SCGN: variants seen among roughly 807,000 people sequenced by gnomAD.
SCGN encodes the protein secretagogin.
Under a neutral mutation model 39.7 loss-of-function variants are expected in SCGN, and 30 were observed. The ratio of observed to expected loss-of-function variants is 0.76; its 90% CI spans 0.57 to 1.03. The LOEUF (loss-of-function observed/expected upper bound fraction) is 1.03. SCGN is among the 50% of genes least tolerant of loss of function. The pLI, the probability that SCGN is intolerant of heterozygous loss-of-function variation, is 0.00. For missense variants in SCGN, 353 were observed against 349.4 expected (o/e 1.01, Z -0.08); for synonymous variants, 106 against 114.1 (o/e 0.93, Z 0.45).
In SCGN at chr6:25,689,152, T is replaced by A; in HGVS notation, c.528-20T>A. 1 of 676,754 alleles carries A rather than the reference T, an allele frequency of 1.5e-6. No homozygotes were observed. 41.9% of individuals were successfully genotyped at this position (676,754 alleles called of 1,614,324 possible). A position where few individuals can be genotyped will look rare whatever the true frequency, so the allele number is the denominator to read the frequency against. ...AGAGCTGAACGATCCTTACGTGGAT[T>A]TTTTTTTTTTTCTATTTAGGATTCT... is the stretch of plus-strand genomic sequence containing the variant. On this transcript the variant is annotated intron_variant, in intron 7 of 10. Coordinates refer to ENST00000377961, the MANE Select transcript of SCGN (RefSeq NM_006998.4).
chr6:25,668,966 C>G (rs184523800), intron 4 of SCGN, among the ~76,000 whole-genome samples: 6 of 152,140 alleles, frequency 3.9e-5, no homozygotes. Context: ...CAAAAATTAG[C>G]CAGGCGTGGT....
chr6:25,691,839 T>C (rs1006450950), intron 10 of SCGN, among the ~76,000 whole-genome samples: 3 of 152,158 alleles, frequency 2.0e-5, no homozygotes, highest in African/African-American at 4.8e-5. Context: ...TTGGGCCAGA[T>C]GGCAAAAAAT....
At chr6:25,695,487 T>C (rs1759826889) in intron 10 of SCGN, among the ~76,000 whole-genome samples, 1 of 152,194 alleles carries the variant, frequency 6.6e-6, no homozygotes, top group African/African-American at 2.4e-5. Context: ...AAGTATACCA[T>C]ACAATATTGT....
chr6:25,669,675 G>A (rs904787051), intron 5 of SCGN, 108 bp downstream of exon 5: 6 of 919,588 alleles, frequency 6.5e-6, no homozygotes, highest in East Asian at 4.8e-5. Context: ...TTGAATATGT[G>A]ACTCAAAAAA....
intron 10 of SCGN, among the ~76,000 whole-genome samples, chr6:25,696,569 A>T (rs1759840215): frequency 6.6e-6 from 1 of 152,152 alleles, no homozygotes; most frequent in African/African-American, 2.4e-5. Context: ...TTGTGCAAAG[A>T]TCTTTCTCTA....
chr6:25,693,451 CAAAAAAAAAAAAAA>C (rs11376402), intron 10 of SCGN, among the ~76,000 whole-genome samples: 2 of 48,426 alleles, frequency 4.1e-5, no homozygotes, highest in Admixed American at 2.9e-4. Flanking sequence ...GACTCCGTCT[CAAAAAAAAAAAAAA>C]AAAAAAAAAA....
chr6:25,685,965 T>C (rs1020327438), intron 7 of SCGN, among the ~76,000 whole-genome samples: 3 of 152,200 alleles, frequency 2.0e-5, no homozygotes, highest in African/African-American at 4.8e-5. Flanking sequence ...GACTTTCCTA[T>C]TTTGGGCATT....
rs970445028 is a variant in SCGN at position 25,682,285 on chromosome 6, T to C, written c.527+279T>C. On this transcript the variant is annotated intron_variant, in intron 7 of 10. Transcript: ENST00000377961. ...GACCCTACCCTTAAAGGCAAGACATTTATAGTCCCACATTGTGACTTCATG... is the reference window on the plus strand; with the variant it reads ...GACCCTACCCTTAAAGGCAAGACATCTATAGTCCCACATTGTGACTTCATG... Among the ~76,000 whole-genome samples the C allele has an allele frequency of 9.8e-5, 15 of 152,288 alleles. No individual in the cohort carries two copies. In the East Asian group the frequency reaches 2.9e-3, roughly 29 times the overall value.
chr6:25,668,091 A>G (rs1179088268), intron 4 of SCGN, among the ~76,000 whole-genome samples: 1 of 152,216 alleles, frequency 6.6e-6, no homozygotes, highest in Non-Finnish European at 1.5e-5. Context: ...CATCAGTATC[A>G]ACACCTCCTA....
Position 25,701,530 on chromosome 6 carries a change from T to C in SCGN, c.*195T>C. On this transcript the variant is annotated 3_prime_UTR_variant, in exon 11 of 11. Transcript: ENST00000377961. ...TGTCTCACTGAAAGCCCCTGTGTAGTGTCTGTGTTGTTTTCCCTTGACCCT... is the reference window on the plus strand; with the variant it reads ...TGTCTCACTGAAAGCCCCTGTGTAGCGTCTGTGTTGTTTTCCCTTGACCCT... 1 of 541,920 alleles carries C rather than the reference T, an allele frequency of 1.8e-6. No individual in the cohort carries two copies. Among genetic ancestry groups the C allele is most frequent in the Non-Finnish European group, 3.0e-6 (1 of 328,904 alleles). 33.6% of individuals were successfully genotyped at this position (541,920 alleles called of 1,614,324 possible).
chr6:25,689,094 C>T, intron 7 of SCGN, 78 bp from the exon 8 acceptor site: 1 of 973,762 alleles, frequency 1.0e-6, no homozygotes, highest in Non-Finnish European at 1.6e-6. Context: ...CTGTACTTTC[C>T]ACACACCAGG....
chr6:25,671,635 C>A (rs1307111854), intron 6 of SCGN, among the ~76,000 whole-genome samples: 1 of 152,174 alleles, frequency 6.6e-6, no homozygotes, highest in East Asian at 1.9e-4. Flanking sequence ...ATGTGCTCAG[C>A]ACCAAAGGTC....
At chr6:25,672,566 T>C (rs1402123120) in intron 6 of SCGN, among the ~76,000 whole-genome samples, 2 of 151,994 alleles carry the variant, frequency 1.3e-5, no homozygotes, top group Non-Finnish European at 2.9e-5. Context: ...AGAGCGCACT[T>C]GGGATTTTTA....
intron 3 of SCGN, among the ~76,000 whole-genome samples, chr6:25,662,974 C>T (rs1442988217): frequency 5.3e-5 from 8 of 152,192 alleles, no homozygotes; most frequent in Non-Finnish European, 2.9e-5. Context: ...TAGCAAATAA[C>T]TGAAAACTAT....
intron 10 of SCGN, among the ~76,000 whole-genome samples, chr6:25,699,589 C>CAAAAAAAAAAA (rs35915067): frequency 2.4e-4 from 13 of 53,690 alleles, no homozygotes; most frequent in Non-Finnish European, 3.8e-4. Flanking sequence ...AACTCTGTCT[C>CAAAAAAAAAAA]AAAAAAAAAA....
chr6:25,687,021 C>T (rs575354300), intron 7 of SCGN, among the ~76,000 whole-genome samples: 4 of 152,222 alleles, frequency 2.6e-5, no homozygotes, highest in Non-Finnish European at 4.4e-5. Flanking sequence ...TATTTCTGTA[C>T]TCTCAATTCT....
Position 25,656,659 on chromosome 6 carries a change from G to A in SCGN, c.153+3207G>A, listed in dbSNP as rs77781138. 9.0e-3 allele frequency among the ~76,000 whole-genome samples: 1,370 copies of A among 152,184 alleles called. 17 individuals carry two copies. Among genetic ancestry groups the A allele is most frequent in the African/African-American group, 0.03 (1,233 of 41,490 alleles). On this transcript the variant is annotated intron_variant, in intron 2 of 10. Coordinates refer to ENST00000377961, the MANE Select transcript of SCGN (RefSeq NM_006998.4). ...TTATAGTACCCTGCTGTAGCCTAGC[G>A]TCTCAGATAAGGACTGATGGGAAAT...
chr6:25,663,386 A>G (rs2151377958), intron 3 of SCGN, among the ~76,000 whole-genome samples: 1 of 152,338 alleles, frequency 6.6e-6, no homozygotes, highest in East Asian at 1.9e-4. Context: ...ATATGGTGGA[A>G]TATGAAACCT....
intron 7 of SCGN, among the ~76,000 whole-genome samples, chr6:25,683,076 C>T (rs902393507): frequency 5.3e-5 from 8 of 152,190 alleles, no homozygotes; most frequent in African/African-American, 1.4e-4. Context: ...TGTGTGTCCT[C>T]CTTGGCTACT....
Sources: gnomAD v4.1 joint callset for allele counts (sites outside exome capture counted in the v4.1 genomes callset) on GRCh38, gnomAD v4.1.1 for gene constraint, MANE v1.5 for transcripts, NCBI Gene and HGNC (gene_info 2026-07-23, HGNC 2026-07-21) for gene names.